PDE1A: variants seen among roughly 807,000 people sequenced by gnomAD.
PDE1A encodes phosphodiesterase 1A.
Under a neutral mutation model 61.7 loss-of-function variants are expected in PDE1A, and 35 were observed. The observed-to-expected ratio is 0.57, with a 90% CI of 0.43 to 0.75. PDE1A has a LOEUF of 0.75. Ranked by LOEUF, PDE1A falls within the 30% of genes least tolerant of loss-of-function variation. The probability of loss-of-function intolerance (pLI) is 0.00; values close to 1 mark genes in which losing one functional copy is unlikely to be tolerated. For synonymous variants in PDE1A, 232 were observed against 213.2 expected (o/e 1.09, Z -0.77); for missense variants, 597 against 630.6 (o/e 0.95, Z 0.57).
At chr2:182,368,930 T>C (rs1559383993) in intron 1 of PDE1A, among the ~76,000 whole-genome samples, 1 of 152,210 alleles carries the variant, frequency 6.6e-6, no homozygotes, top group Non-Finnish European at 1.5e-5. Flanking sequence ...ACTATCCTTT[T>C]GGAAAGGAAA....
chr2:182,547,371 G>A, the PDE1A span, among the ~76,000 whole-genome samples: 3 of 152,182 alleles, frequency 2.0e-5, no homozygotes, highest in African/African-American at 7.2e-5. Flanking sequence ...AGAATTCTTA[G>A]GAAACCAACC....
chr2:182,309,979 G>A (rs1695858346), intron 1 of PDE1A, among the ~76,000 whole-genome samples: 1 of 152,112 alleles, frequency 6.6e-6, no homozygotes, highest in South Asian at 2.1e-4. Context: ...TTTTAGAAGT[G>A]ACTAGTTGGC....
At chr2:182,282,664 A>T (rs1471013473) in intron 1 of PDE1A, among the ~76,000 whole-genome samples, 5 of 151,846 alleles carry the variant, frequency 3.3e-5, no homozygotes, top group Admixed American at 1.3e-4. Context: ...TAATTCCAAA[A>T]CTTGGCATTA....
chr2:182,184,209 C>G (rs1232811710), intron 13 of PDE1A, among the ~76,000 whole-genome samples: 2 of 149,836 alleles, frequency 1.3e-5, no homozygotes, highest in Non-Finnish European at 3.0e-5. Flanking sequence ...AAATTTGAAG[C>G]AAATTATTAA....
At chr2:182,214,099 G>C (rs1427102277) in intron 7 of PDE1A, among the ~76,000 whole-genome samples, 1 of 150,580 alleles carries the variant, frequency 6.6e-6, no homozygotes, top group African/African-American at 2.4e-5. Context: ...CCAGAAGAGA[G>C]TGGGGGCCAA....
At chr2:182,399,343 T>C (rs1701874555) in intron 1 of PDE1A, among the ~76,000 whole-genome samples, 1 of 151,980 alleles carries the variant, frequency 6.6e-6, no homozygotes, top group South Asian at 2.1e-4. Flanking sequence ...AACAGTTCCA[T>C]CAGCCAAAAC....
intron 1 of PDE1A, among the ~76,000 whole-genome samples, chr2:182,395,333 T>C (rs527535880): frequency 2.0e-5 from 3 of 152,348 alleles, no homozygotes; most frequent in Admixed American, 2.0e-4. Flanking sequence ...TGATCCATTA[T>C]ATCGATGACA....
At chr2:182,179,684 T>C (rs1684587739) in intron 13 of PDE1A, among the ~76,000 whole-genome samples, 1 of 152,114 alleles carries the variant, frequency 6.6e-6, no homozygotes, top group African/African-American at 2.4e-5. Flanking sequence ...CCCTCCTCTC[T>C]CGTCCTCCCT....
chr2:182,480,547 A>C (rs932891306), intron 2 of PDE1A, among the ~76,000 whole-genome samples: 2 of 151,964 alleles, frequency 1.3e-5, no homozygotes, highest in Admixed American at 6.6e-5. Context: ...CCAAATAATA[A>C]AATTTTAATT....
intron 7 of PDE1A, 56 bp from the exon 8 acceptor site, chr2:182,206,121 C>G: frequency 6.3e-6 from 9 of 1,432,188 alleles, no homozygotes; most frequent in Non-Finnish European, 8.6e-6. Context: ...TCATGAATGT[C>G]TAATAAGACT....
intron 2 of PDE1A, among the ~76,000 whole-genome samples, chr2:182,457,139 C>T (rs1470267236): frequency 6.6e-6 from 1 of 152,138 alleles, no homozygotes; most frequent in South Asian, 2.1e-4. Flanking sequence ...TGTGCTCCAT[C>T]TCAAGAAACA....
chr2:182,596,101 C>T, the PDE1A span, among the ~76,000 whole-genome samples: 1 of 152,186 alleles, frequency 6.6e-6, no homozygotes, highest in African/African-American at 2.4e-5. Context: ...ACCTTTGTTT[C>T]ATAAGGGAGT....
intron 2 of PDE1A, among the ~76,000 whole-genome samples, chr2:182,444,591 A>T (rs1685011692): frequency 6.6e-6 from 1 of 152,084 alleles, no homozygotes; most frequent in Non-Finnish European, 1.5e-5. Context: ...GAGTTTGAAG[A>T]GAAATCCATC....
chr2:182,295,353 CT>C (rs1425716398), intron 1 of PDE1A, among the ~76,000 whole-genome samples: 13 of 152,094 alleles, frequency 8.5e-5, no homozygotes, highest in Admixed American at 8.5e-4. Context: ...AAAAGGTAAT[CT>C]TATCCCTACT....
chr2:182,512,039 T>G (rs1689830905), intron 2 of PDE1A, among the ~76,000 whole-genome samples: 1 of 152,174 alleles, frequency 6.6e-6, no homozygotes, highest in Admixed American at 6.5e-5. Flanking sequence ...CCAGTGCATG[T>G]GTGCAAACCT....
chr2:182,560,810 G>A, the PDE1A span, among the ~76,000 whole-genome samples: 1 of 152,020 alleles, frequency 6.6e-6, no homozygotes, highest in Non-Finnish European at 1.5e-5. Context: ...TTCTCTGATG[G>A]CCAGTGATGG....
intron 2 of PDE1A, among the ~76,000 whole-genome samples, chr2:182,468,040 T>C (rs1686785786): frequency 6.6e-6 from 1 of 152,064 alleles, no homozygotes. Context: ...TTCAGAATCA[T>C]ACTCTTTTTC....
chr2:182,702,275 T>C, the PDE1A span, among the ~76,000 whole-genome samples: 59 of 152,272 alleles, frequency 3.9e-4, no homozygotes, highest in African/African-American at 1.3e-3. Flanking sequence ...GGCTAATTTT[T>C]TATATTTTTG....
intron 1 of PDE1A, among the ~76,000 whole-genome samples, chr2:182,393,522 C>A (rs1038199763): frequency 6.6e-6 from 1 of 152,182 alleles, no homozygotes; most frequent in Non-Finnish European, 1.5e-5. Flanking sequence ...ATTTTTGCAG[C>A]CAGCTTGAAT....
Sources: allele counts gnomAD v4.1 joint callset (sites outside exome capture counted in the v4.1 genomes callset), GRCh38; gene constraint gnomAD v4.1.1; transcripts MANE v1.5; gene names NCBI Gene and HGNC (gene_info 2026-07-23, HGNC 2026-07-21).